Variants in LEMD3 observed in about 807,000 individuals in gnomAD.
LEMD3 encodes the protein inner nuclear membrane protein Man1.
A neutral mutation model predicts 95.2 loss-of-function variants in LEMD3; 33 were observed. The observed-to-expected ratio is 0.35, with a 90% confidence interval of 0.26 to 0.46. LEMD3 has a LOEUF of 0.46. LEMD3 is among the 20% of genes least tolerant of loss of function. LEMD3 has a pLI of 1.00. For synonymous variants in LEMD3, 525 were observed against 474.6 expected (o/e 1.11, Z -1.38); for missense variants, 1,210 against 1,192.8 (o/e 1.01, Z -0.21).
chr12:65,173,824 A>G (rs1317348119), intron 1 of LEMD3, among the ~76,000 whole-genome samples: 1 of 152,194 alleles, frequency 6.6e-6, no homozygotes, highest in Non-Finnish European at 1.5e-5. Flanking sequence ...GAATCCTTAA[A>G]TGTATGATAC....
intron 4 of LEMD3, among the ~76,000 whole-genome samples, chr12:65,237,456 G>A (rs987019106): frequency 2.0e-5 from 3 of 152,160 alleles, no homozygotes; most frequent in East Asian, 3.8e-4. Flanking sequence ...TCTATAAGTA[G>A]TAGTTTCTTA....
intron 1 of LEMD3, among the ~76,000 whole-genome samples, chr12:65,200,213 C>A (rs774509927): frequency 6.6e-6 from 1 of 152,082 alleles, no homozygotes; most frequent in African/African-American, 2.4e-5. Context: ...CACCATCAAT[C>A]AGACTGGTTG....
chr12:65,244,773 C>T (rs760276993), intron 10 of LEMD3, among the ~76,000 whole-genome samples: 3 of 151,936 alleles, frequency 2.0e-5, no homozygotes, highest in African/African-American at 7.3e-5. Flanking sequence ...TGTGGCAAAA[C>T]CCCGTCTCTA....
intron 1 of LEMD3, among the ~76,000 whole-genome samples, chr12:65,203,137 T>C (rs180679561): frequency 3.3e-5 from 5 of 152,300 alleles, no homozygotes; most frequent in Admixed American, 2.6e-4. Flanking sequence ...ATAAATGATA[T>C]TAGGTCTTTC....
chr12:65,169,921 C>T lies in LEMD3; in HGVS notation c.325C>T (p.Arg109Ter). The change falls in exon 1 of 13, where the codon CGA becomes TGA. Residue 109 changes from arginine to a stop codon, truncating the protein, a stop_gained. Coordinates refer to ENST00000308330, the MANE Select transcript of LEMD3 (RefSeq NM_014319.5). LOFTEE classifies it high-confidence loss of function. ...SYLRTPGGLC[R>*]ISASGPESLL... is the part of the protein sequence containing the mutation. ...CTTACGGACTCCTGGGGGCCTGTGCCGAATCTCGGCCTCTGGCCCAGAGAG... is the reference window on the plus strand; with the variant it reads ...CTTACGGACTCCTGGGGGCCTGTGCTGAATCTCGGCCTCTGGCCCAGAGAG... The T allele has an allele frequency of 6.9e-7, 1 of 1,447,674 alleles. No homozygotes were observed. The highest frequency in any genetic ancestry group is 1.5e-5 in the South Asian group (1 of 67,846). The allele number at this position is 1,447,674 out of a possible 1,614,324, so 89.7% of individuals were successfully genotyped here.
At position 65,186,981 on chromosome 12, in the gene LEMD3, T is replaced by C. The variant is rs148922350; in HGVS notation, c.1522+15863T>C. On this transcript the variant is annotated intron_variant, in intron 1 of 12. Transcript: ENST00000308330. ...CTTATGCTTTAATTTGCAAGGACTT[T>C]TACATATGTTCTTACACAATCAGCT... Among the ~76,000 whole-genome samples the C allele has an allele frequency of 2.6e-5, 4 of 152,204 alleles. No individual in the cohort carries two copies. In the East Asian group the frequency reaches 7.7e-4, roughly 29 times the overall value.
intron 12 of LEMD3, 56 bp downstream of exon 12, chr12:65,245,995 A>C: frequency 7.1e-7 from 1 of 1,401,448 alleles, no homozygotes; most frequent in South Asian, 1.2e-5. Context: ...TTTAATTTTA[A>C]ACTATACCAG....
rs113200555 is a variant in LEMD3, at chr12:65,215,697, A to G, written c.1561-280A>G. Among the ~76,000 whole-genome samples, 27 of 152,186 alleles carry G rather than the reference A, an allele frequency of 1.8e-4. 1 individual carries two copies. Among genetic ancestry groups the G allele is most frequent in the African/African-American group, 6.5e-4 (27 of 41,488 alleles). On this transcript the variant is annotated intron_variant, in intron 2 of 12. Coordinates refer to ENST00000308330, the MANE Select transcript of LEMD3 (RefSeq NM_014319.5). ...GGGGATTGGGAACATTGCTTTGGTG[A>G]TTGATGGAGTTTATTGTCTGTGAGA...
chr12:65,246,848 G>A lies in LEMD3; in HGVS notation c.*523G>A, dbSNP rs576284776. On this transcript the variant is annotated 3_prime_UTR_variant, in exon 13 of 13. Coordinates refer to ENST00000308330, the MANE Select transcript of LEMD3 (RefSeq NM_014319.5). ...ATATGGGAAAATTAATTTGGGCTTAGTGGTTACAAATATGTGTAAGTGGAT... is the reference window on the plus strand; with the variant it reads ...ATATGGGAAAATTAATTTGGGCTTAATGGTTACAAATATGTGTAAGTGGAT... 1.3e-5 allele frequency: 2 copies of A among 159,776 alleles called. No individual in the cohort carries two copies. Among genetic ancestry groups the A allele is most frequent in the Admixed American group, 6.2e-5 (1 of 16,120 alleles). 9.9% of individuals were successfully genotyped at this position (159,776 alleles called of 1,614,324 possible).
At position 65,240,026 on chromosome 12, in the gene LEMD3, T is replaced by C. The variant is rs770671188; in HGVS notation, c.2019T>C (p.Ile673=). The change falls in exon 7 of 13, where the codon ATT becomes ATC. Residue 673 remains isoleucine (I), a synonymous_variant. Transcript: ENST00000308330. The part of the protein sequence containing the change: ...TRQMYDMVVK[I]IDVLRSHNEA... Reference sequence around the variant, plus strand: ...AGATGTATGATATGGTGGTAAAGATTATAGGTATGATATTTGTAAGAATCT... The same window carrying C: ...AGATGTATGATATGGTGGTAAAGATCATAGGTATGATATTTGTAAGAATCT... 1 of 1,593,574 alleles carries C rather than the reference T, an allele frequency of 6.3e-7. No individual in the cohort carries two copies. The highest frequency in any genetic ancestry group is 8.6e-7 in the Non-Finnish European group (1 of 1,161,366).
intron 1 of LEMD3, chr12:65,171,946 T>C (rs998590329): frequency 2.0e-5 from 3 of 152,152 alleles, no homozygotes; most frequent in Non-Finnish European, 2.9e-5. Context: ...TTTAAAAAAA[T>C]TTACCAGACT....
intron 1 of LEMD3, among the ~76,000 whole-genome samples, chr12:65,172,590 A>C (rs1332857928): frequency 6.6e-6 from 1 of 152,204 alleles, no homozygotes; most frequent in Non-Finnish European, 1.5e-5. Context: ...GTCCTGCCCC[A>C]AATATTTGGG....
rs1162750231 is a variant in LEMD3, at chr12:65,170,190, G to T, written c.594G>T (p.Gly198=). 6.7e-7 allele frequency: 1 copy of T among 1,503,098 alleles called. No homozygotes were observed. Among genetic ancestry groups the T allele is most frequent in the South Asian group, 1.3e-5 (1 of 74,876 alleles). 93.1% of individuals were successfully genotyped at this position (1,503,098 alleles called of 1,614,324 possible). A position where few individuals can be genotyped will look rare whatever the true frequency, so the allele number is the denominator to read the frequency against. Residue 198 remains glycine (G), a synonymous_variant, in exon 1 of 13, where the codon GGG becomes GGT. Transcript: ENST00000308330. The stretch of plus-strand genomic sequence containing the variant: ...GAAGGAAGCCCCACTCGTGGTGGGG[G>T]GCCAGGAGGCCGGCGGGCCCCGAGC... The part of the protein sequence containing the change: ...AERRKPHSWW[G]ARRPAGPELQ...
rs1868540246 is a variant in LEMD3 at position 65,171,185 on chromosome 12, T to G, written c.1522+67T>G. 5 of 1,597,402 alleles carry G rather than the reference T, an allele frequency of 3.1e-6. No individual in the cohort carries two copies. The South Asian group carries it at 4.4e-5, about 14-fold the overall frequency. ...TGTTAGTGGTCCGCTTTAGCCGCGC[T>G]TAGCGTTTTACATGAAGTGACTTAC... is the stretch of plus-strand genomic sequence containing the variant. On this transcript the variant is annotated intron_variant, in intron 1 of 12. Coordinates refer to ENST00000308330, the MANE Select transcript of LEMD3 (RefSeq NM_014319.5).
chr12:65,239,956 G>A lies in LEMD3; in HGVS notation c.1949G>A (p.Arg650His), dbSNP rs202030550. 2.0e-5 allele frequency: 32 copies of A among 1,611,700 alleles called. No individual in the cohort carries two copies. Among genetic ancestry groups the A allele is most frequent in the East Asian group, 6.7e-5 (3 of 44,782 alleles). The change falls in exon 7 of 13, where the codon CGT (arginine) becomes CAT (histidine). Residue 650 changes from arginine to histidine, a missense_variant. Physicochemically the swap from Arg to His is conservative, Grantham distance 29 (BLOSUM62 0). Coordinates refer to ENST00000308330, the MANE Select transcript of LEMD3 (RefSeq NM_014319.5). ...GTAGTGATGGTTTGTGTCGTTCTGC[G>A]TTACATGAAATATCGATGGACAAAA... ...LGVVMVCVVL[R>H]YMKYRWTKEE...
chr12:65,170,042 G>C lies in LEMD3; in HGVS notation c.446G>C (p.Ser149Thr), dbSNP rs2136312628. 1 of 1,518,388 alleles carries C rather than the reference G, an allele frequency of 6.6e-7. No homozygotes were observed. The highest frequency in any genetic ancestry group is 8.8e-7 in the Non-Finnish European group (1 of 1,140,820). 94.1% of individuals were successfully genotyped at this position (1,518,388 alleles called of 1,614,324 possible). A position where few individuals can be genotyped will look rare whatever the true frequency, so the allele number is the denominator to read the frequency against. The change falls in exon 1 of 13, where the codon AGT becomes ACT. Residue 149 changes from serine to threonine, a missense_variant. Coordinates refer to ENST00000308330, the MANE Select transcript of LEMD3 (RefSeq NM_014319.5). ...TCGGACGAGTCGGACGTGGAGGCCA[G>C]TCCCCGGGACCAGGCCGGCGGCGGC... ...FSSDESDVEA[S>T]PRDQAGGGGR...
At chr12:65,245,231 C>T (rs531577976) in intron 10 of LEMD3, 179 of 170,966 alleles carry the variant, frequency 1.0e-3, no homozygotes, top group African/African-American at 3.4e-3. Context: ...CCCAGGTTCA[C>T]GCCATTCTCC....
In LEMD3 at chr12:65,245,771, T is replaced by C. The variant is rs1871087496; in HGVS notation, c.2490T>C (p.Arg830=). The change falls in exon 11 of 13, where the codon CGT becomes CGC. Residue 830 remains arginine, a synonymous_variant. Transcript: ENST00000308330. ...ACATTGCAGTAGACAAAAATTCACGTGAGGTAAAGTAACTTTTGGTATTGA... is the reference window on the plus strand; with the variant it reads ...ACATTGCAGTAGACAAAAATTCACGCGAGGTAAAGTAACTTTTGGTATTGA... ...IVHIAVDKNS[R]EGCVYVKCLS... 1 of 1,611,338 alleles carries C rather than the reference T, an allele frequency of 6.2e-7. No homozygotes were observed. The highest frequency in any genetic ancestry group is 8.5e-7 in the Non-Finnish European group (1 of 1,177,604).
chr12:65,226,106 A>G (rs1870441235), intron 4 of LEMD3, among the ~76,000 whole-genome samples: 1 of 152,184 alleles, frequency 6.6e-6, no homozygotes, highest in African/African-American at 2.4e-5. Flanking sequence ...ATGGTGAGTG[A>G]GTGCTGTTGC....
Sources: allele counts gnomAD v4.1 joint callset (sites outside exome capture counted in the v4.1 genomes callset), GRCh38; gene constraint gnomAD v4.1.1; transcripts MANE v1.5; gene names NCBI Gene and HGNC (gene_info 2026-07-23, HGNC 2026-07-21).